SNTG1: variants seen among roughly 807,000 people sequenced by gnomAD.
SNTG1 encodes the protein gamma-1-syntrophin.
In SNTG1, 39 loss-of-function variants were observed where a neutral mutation model predicts 74.7. The observed-to-expected ratio is 0.52, with a 90% CI of 0.40 to 0.68. The LOEUF is 0.68. SNTG1 is among the 30% of genes least tolerant of loss of function. The probability of loss-of-function intolerance (pLI) is 0.00; values close to 1 mark genes in which losing one functional copy is unlikely to be tolerated. For missense variants in SNTG1, 685 were observed against 609.5 expected, an observed-to-expected ratio of 1.12 and a Z score of -1.30; for synonymous variants, 254 against 217.1, an observed-to-expected ratio of 1.17 and a Z score of -1.49.
At chr8:50,308,263 A>G (rs1222068757) in intron 2 of SNTG1, among the ~76,000 whole-genome samples, 2 of 151,990 alleles carry the variant, frequency 1.3e-5, no homozygotes, top group African/African-American at 4.8e-5. Flanking sequence ...AAATCAGTCC[A>G]TTGTACACTC....
rs553513793 is a variant in SNTG1, at chr8:50,559,270, A to G, written c.810+6091A>G. Among the ~76,000 whole-genome samples, 235 of 152,376 alleles carry G rather than the reference A, an allele frequency of 1.5e-3. 1 individual carries two copies. The highest frequency in any genetic ancestry group is 5.4e-3 in the African/African-American group (224 of 41,598). The stretch of plus-strand genomic sequence containing the variant: ...AAACAAAATTAAAATATATTGCAAA[A>G]GCAATAACAAAAATATCCAAAGGAA... On this transcript the variant is annotated intron_variant, in intron 12 of 18. Coordinates refer to ENST00000642720, the MANE Select transcript of SNTG1 (RefSeq NM_018967.5).
intron 4 of SNTG1, among the ~76,000 whole-genome samples, chr8:50,407,854 T>C: frequency 6.6e-6 from 1 of 152,180 alleles, no homozygotes; most frequent in East Asian, 1.9e-4. Context: ...ACTGGTTGGA[T>C]CAGGGCCTAA....
intron 1 of SNTG1, among the ~76,000 whole-genome samples, chr8:50,036,042 C>A (rs1454882183): frequency 2.0e-5 from 3 of 152,306 alleles, no homozygotes; most frequent in Non-Finnish European, 4.4e-5. Flanking sequence ...CTTTATGCAT[C>A]ACTTTCTCTT....
intron 1 of SNTG1, among the ~76,000 whole-genome samples, chr8:49,947,558 T>C (rs1000346956): frequency 6.6e-6 from 1 of 152,212 alleles, no homozygotes; most frequent in African/African-American, 2.4e-5. Context: ...AACTTAAATG[T>C]ATTCTAATAT....
intron 17 of SNTG1, among the ~76,000 whole-genome samples, chr8:50,714,313 A>G (rs1363208414): frequency 6.6e-6 from 1 of 152,064 alleles, no homozygotes; most frequent in Non-Finnish European, 1.5e-5. Flanking sequence ...TGTCTTGGCT[A>G]TATGGGCTCT....
chr8:50,566,614 T>C (rs755844241), intron 12 of SNTG1, among the ~76,000 whole-genome samples: 3 of 151,964 alleles, frequency 2.0e-5, no homozygotes, highest in Admixed American at 6.6e-5. Context: ...AAGCAACCAG[T>C]ATTAAAAGGT....
chr8:50,524,988 C>G (rs1401731553), intron 9 of SNTG1, among the ~76,000 whole-genome samples: 1 of 152,012 alleles, frequency 6.6e-6, no homozygotes, highest in East Asian at 1.9e-4. Context: ...TTTTTATATG[C>G]ATTTCTCTTT....
chr8:50,595,507 G>C (rs1220554800), intron 13 of SNTG1, among the ~76,000 whole-genome samples: 2 of 151,930 alleles, frequency 1.3e-5, no homozygotes, highest in African/African-American at 2.4e-5. Context: ...AGAAGACTTG[G>C]AAAAGTGTTA....
chr8:50,583,394 CAAAAA>C (rs58794829), intron 12 of SNTG1, among the ~76,000 whole-genome samples: 115 of 82,414 alleles, frequency 1.4e-3, no homozygotes, highest in African/African-American at 5.3e-3. Context: ...GAGTGAGACT[CAAAAA>C]AAAAAAAAAA....
At chr8:50,539,227 T>A (rs757907864) in intron 11 of SNTG1, among the ~76,000 whole-genome samples, 12 of 152,298 alleles carry the variant, frequency 7.9e-5, no homozygotes, top group Non-Finnish European at 1.6e-4. Flanking sequence ...GACAAGTGAT[T>A]TAACAAAATC....
chr8:50,751,909 A>T (rs888336002), intron 17 of SNTG1, 92 bp from the exon 18 acceptor site: 2 of 694,154 alleles, frequency 2.9e-6, no homozygotes, highest in Non-Finnish European at 4.7e-6. Context: ...ACTTTGTATG[A>T]TTAACTTTTA....
chr8:50,138,956 TAA>T (rs765364494), intron 1 of SNTG1, among the ~76,000 whole-genome samples: 1 of 152,108 alleles, frequency 6.6e-6, no homozygotes. Flanking sequence ...ATTACTGAAC[TAA>T]AGTCTAAAAG....
At chr8:50,312,550 T>C (rs777771437) in intron 2 of SNTG1, among the ~76,000 whole-genome samples, 7 of 149,808 alleles carry the variant, frequency 4.7e-5, no homozygotes, top group Non-Finnish European at 8.8e-5. Flanking sequence ...AGGAAAGAGA[T>C]TGTGGAAAAA....
intron 4 of SNTG1, among the ~76,000 whole-genome samples, chr8:50,429,284 C>T (rs943072664): frequency 2.0e-5 from 3 of 151,760 alleles, no homozygotes; most frequent in East Asian, 1.9e-4. Context: ...ACTGGCATAA[C>T]GATAGACATA....
chr8:50,307,457 C>T (rs536458302), intron 2 of SNTG1, among the ~76,000 whole-genome samples: 5 of 151,606 alleles, frequency 3.3e-5, no homozygotes, highest in Non-Finnish European at 7.4e-5. Flanking sequence ...TTTTTTATTT[C>T]AAAAAAATTT....
chr8:50,350,187 T>G (rs1211199465), intron 2 of SNTG1, among the ~76,000 whole-genome samples: 1 of 152,102 alleles, frequency 6.6e-6, no homozygotes, highest in Non-Finnish European at 1.5e-5. Flanking sequence ...CCGCCATGCC[T>G]GAGCCTCCCT....
chr8:49,926,910 C>A (rs1172431826), intron 1 of SNTG1, among the ~76,000 whole-genome samples: 2 of 152,016 alleles, frequency 1.3e-5, no homozygotes, highest in Non-Finnish European at 2.9e-5. Context: ...AATAAACCAA[C>A]CAATTAAAAA....
rs183665177 is a variant in SNTG1 at position 50,591,553 on chromosome 8, G to A, written c.849+636G>A. ...CTATGTGCAACATTTGTGTAAGGGC[G>A]ACTATCCTGTAAGTTTATTTTGAGG... is the stretch of plus-strand genomic sequence containing the variant. On this transcript the variant is annotated intron_variant, in intron 13 of 18. Transcript: ENST00000642720. Among the ~76,000 whole-genome samples, 7 of 152,260 alleles carry A rather than the reference G, an allele frequency of 4.6e-5. 1 individual carries two copies. Among genetic ancestry groups the A allele is most frequent in the East Asian group, 3.9e-4 (2 of 5,184 alleles).
intron 1 of SNTG1, among the ~76,000 whole-genome samples, chr8:49,992,047 C>A (rs1270550565): frequency 6.6e-6 from 1 of 152,134 alleles, no homozygotes; most frequent in African/African-American, 2.4e-5. Context: ...TGTACTGTTT[C>A]CACGCCTCCC....
Sources: gnomAD v4.1 joint callset for allele counts (sites outside exome capture counted in the v4.1 genomes callset) on GRCh38, gnomAD v4.1.1 for gene constraint, MANE v1.5 for transcripts, NCBI Gene and HGNC (gene_info 2026-07-23, HGNC 2026-07-21) for gene names.